Variants in KRABD1 observed in about 807,000 individuals in gnomAD.
KRABD1 encodes KRAB domain containing 1.
At chr3:42,942,761 A>G in the KRABD1 span, 1 of 393,888 alleles carries the variant, frequency 2.5e-6, no homozygotes, top group Admixed American at 4.3e-5. Flanking sequence ...AATGTTTTTC[A>G]TTCATTAAAA....
the KRABD1 span, chr3:42,942,475 T>A: frequency 2.0e-6 from 1 of 487,970 alleles, no homozygotes; most frequent in East Asian, 3.3e-5. Flanking sequence ...TTAACAATTT[T>A]AAATAATTTT....
chr3:42,941,156 G>A, the KRABD1 span: 5 of 1,448,516 alleles, frequency 3.5e-6, no homozygotes, highest in South Asian at 6.7e-5. Flanking sequence ...CCCTTCTCAG[G>A]TCTCTCATTG....
At chr3:42,937,967 G>A in the KRABD1 span, 4 of 152,200 alleles carry the variant, frequency 2.6e-5, no homozygotes, top group Non-Finnish European at 5.9e-5. Context: ...TTGTTTATAT[G>A]CTTTTTGAAT....
At chr3:42,939,783 C>T in the KRABD1 span, among the ~76,000 whole-genome samples, 1 of 152,170 alleles carries the variant, frequency 6.6e-6, no homozygotes, top group Non-Finnish European at 1.5e-5. Context: ...AGCAGTGATG[C>T]TGAGCACCAT....
the KRABD1 span, chr3:42,941,920 T>C: frequency 1.1e-4 from 142 of 1,274,042 alleles, no homozygotes; most frequent in African/African-American, 1.8e-3. Context: ...CCTATGACTA[T>C]GCTCATTATT....
the KRABD1 span, among the ~76,000 whole-genome samples, chr3:42,940,045 A>G: frequency 6.6e-6 from 1 of 152,166 alleles, no homozygotes; most frequent in African/African-American, 2.4e-5. Flanking sequence ...GTTTTGTATA[A>G]GAAATCTTTT....
chr3:42,940,307 A>T, the KRABD1 span, among the ~76,000 whole-genome samples: 1 of 152,154 alleles, frequency 6.6e-6, no homozygotes, highest in Non-Finnish European at 1.5e-5. Flanking sequence ...TGTTTTTAAA[A>T]TCCCTATTCA....
At chr3:42,940,927 C>A in the KRABD1 span, among the ~76,000 whole-genome samples, 2 of 152,192 alleles carry the variant, frequency 1.3e-5, no homozygotes, top group Admixed American at 6.5e-5. Flanking sequence ...CTTCTGTGAT[C>A]GGGCCCAAGC....
chr3:42,936,862 A>G, the KRABD1 span: 1 of 152,128 alleles, frequency 6.6e-6, no homozygotes, highest in East Asian at 1.9e-4. Context: ...GTTGGTGATC[A>G]GTTATTTTCG....
At chr3:42,936,786 G>A in the KRABD1 span, 1 of 152,202 alleles carries the variant, frequency 6.6e-6, no homozygotes, top group African/African-American at 2.4e-5. Flanking sequence ...TGACCCGGAT[G>A]CGGAAACCCC....
chr3:42,939,069 C>A, the KRABD1 span: 2 of 584,632 alleles, frequency 3.4e-6, no homozygotes, highest in Non-Finnish European at 5.7e-6. Flanking sequence ...TATGTGTACA[C>A]ACACACATTT....
At chr3:42,942,785 T>C in the KRABD1 span, 2 of 363,400 alleles carry the variant, frequency 5.5e-6, no homozygotes, top group African/African-American at 4.2e-5. Context: ...CTCATTTTGA[T>C]GTACAAAGCA....
chr3:42,942,460 A>C, the KRABD1 span: 1 of 457,408 alleles, frequency 2.2e-6, no homozygotes, highest in African/African-American at 2.0e-5. Flanking sequence ...ATGAGAACTA[A>C]TATATTAACA....
the KRABD1 span, chr3:42,938,975 A>G: frequency 7.0e-7 from 1 of 1,429,354 alleles, no homozygotes; most frequent in East Asian, 2.5e-5. Flanking sequence ...CTGTGTGTAT[A>G]TACATATGTG....
At chr3:42,939,007 A>T in the KRABD1 span, 1 of 1,060,810 alleles carries the variant, frequency 9.4e-7, no homozygotes, top group African/African-American at 1.6e-5. Context: ...CATACATAAA[A>T]ATATCTATAT....
the KRABD1 span, chr3:42,942,101 C>T: frequency 1.4e-6 from 2 of 1,410,680 alleles, no homozygotes; most frequent in Non-Finnish European, 1.9e-6. Flanking sequence ...TCTTCTCCAG[C>T]TTTGTCTCTT....
the KRABD1 span, chr3:42,938,880 G>A: frequency 2.0e-6 from 3 of 1,528,226 alleles, no homozygotes; most frequent in Non-Finnish European, 2.6e-6. Context: ...ACCCAGAAAG[G>A]AATAAAAGAG....
the KRABD1 span, chr3:42,938,882 A>G: frequency 1.1e-4 from 170 of 1,529,890 alleles, 1 homozygote; most frequent in East Asian, 3.4e-3. Flanking sequence ...CCAGAAAGGA[A>G]TAAAAGAGGT....
the KRABD1 span, chr3:42,937,005 G>C: frequency 6.6e-5 from 10 of 152,134 alleles, no homozygotes; most frequent in Non-Finnish European, 1.3e-4. Flanking sequence ...CTGCGATCTG[G>C]ATTGGCTCAT....
Sources: allele counts gnomAD v4.1 joint callset (sites outside exome capture counted in the v4.1 genomes callset), GRCh38; gene constraint gnomAD v4.1.1; transcripts MANE v1.5; gene names NCBI Gene and HGNC (gene_info 2026-07-23, HGNC 2026-07-21).